Variants in MTUS1 observed in about 807,000 individuals in gnomAD.
The protein encoded by MTUS1 is microtubule-associated tumor suppressor 1.
Under a neutral mutation model 120.8 loss-of-function variants are expected in MTUS1, and 109 were observed. The ratio of observed to expected loss-of-function variants is 0.90; its 90% confidence interval spans 0.77 to 1.06. The LOEUF is 1.06. Among genes scored for constraint, MTUS1 ranks in the 50% least tolerant of loss-of-function variants. The pLI is 0.00. For synonymous variants in MTUS1, 737 were observed against 550.5 expected (o/e 1.34, Z -4.74); for missense variants, 2,210 against 1,486.3 (o/e 1.49, Z -8.01).
chr8:17,782,156 A>AT (rs1214675855), intron 1 of MTUS1, among the ~76,000 whole-genome samples: 2 of 152,070 alleles, frequency 1.3e-5, no homozygotes, highest in African/African-American at 4.8e-5. Flanking sequence ...CAATGATGGG[A>AT]TTTTTTTCCC....
chr8:17,755,867 G>A lies in MTUS1; in HGVS notation c.-60C>T. 1 of 1,543,262 alleles carries A rather than the reference G, an allele frequency of 6.5e-7. No individual in the cohort carries two copies. The highest frequency in any genetic ancestry group is 8.7e-7 in the Non-Finnish European group (1 of 1,150,676). On this transcript the variant is annotated 5_prime_UTR_variant, in exon 2 of 15. Transcript: ENST00000693296. Reference sequence around the variant, plus strand: ...TTCTTCTTCAATTCCTTTTAAATGAGAGGGTGGGCAAAATGGTCTGTCTTC... The same window carrying A: ...TTCTTCTTCAATTCCTTTTAAATGAAAGGGTGGGCAAAATGGTCTGTCTTC...
intron 3 of MTUS1, among the ~76,000 whole-genome samples, chr8:17,729,947 G>C (rs548688880): frequency 4.1e-5 from 6 of 147,670 alleles, no homozygotes; most frequent in Admixed American, 2.7e-4. Context: ...TCACAATCGC[G>C]CGAGATACCA....
chr8:17,647,103 C>T (rs773172304), intron 13 of MTUS1, 24 bp from the exon 14 acceptor site: 2 of 1,560,102 alleles, frequency 1.3e-6, no homozygotes, highest in Middle Eastern at 1.7e-4. Context: ...AGAATTCCAA[C>T]ATTTATACAA....
At chr8:17,745,763 A>G (rs1451866511) in intron 2 of MTUS1, among the ~76,000 whole-genome samples, 1 of 151,958 alleles carries the variant, frequency 6.6e-6, no homozygotes, top group Admixed American at 6.6e-5. Flanking sequence ...TTTTCCTTCT[A>G]CCTGTCCGGT....
chr8:17,753,145 C>T (rs1248234331), intron 2 of MTUS1, among the ~76,000 whole-genome samples: 2 of 152,132 alleles, frequency 1.3e-5, no homozygotes, highest in Non-Finnish European at 2.9e-5. Context: ...TTCACACATC[C>T]ACTAGGTCCA....
chr8:17,691,549 G>A (rs78017630), intron 6 of MTUS1, among the ~76,000 whole-genome samples: 2,577 of 152,338 alleles, frequency 0.017, 75 homozygotes, highest in African/African-American at 0.058. Context: ...TGCTTTCAAG[G>A]AGGCTGAAAG....
chr8:17,799,267 A>C (rs1392734577), intron 1 of MTUS1, among the ~76,000 whole-genome samples: 1 of 152,228 alleles, frequency 6.6e-6, no homozygotes, highest in Non-Finnish European at 1.5e-5. Flanking sequence ...AATAAATGAA[A>C]ACCAGTTTGA....
intron 3 of MTUS1, chr8:17,734,263 C>T (rs1288777197): frequency 1.3e-5 from 2 of 152,178 alleles, no homozygotes; most frequent in African/African-American, 4.8e-5. Context: ...ATTTCAGTAA[C>T]ACTCTAGATT....
In MTUS1 at chr8:17,684,458, AGTGT is replaced by A. The variant is rs762542932; in HGVS notation, c.2704_2707del (p.Thr902LeufsTer3). 12 of 1,614,200 alleles carry A rather than the reference AGTGT, an allele frequency of 7.4e-6. No individual in the cohort carries two copies. The highest frequency in any genetic ancestry group is 1.0e-5 in the Non-Finnish European group (12 of 1,180,018). ...TTTTGTTTTATATTGCGTCAATTCA[AGTGT>A]TTTCTCAGGGGGCAGCGCATCGGGA... is the stretch of plus-strand genomic sequence containing the variant. On this transcript the variant is annotated frameshift_variant, in exon 7 of 15. Coordinates refer to ENST00000693296, the MANE Select transcript of MTUS1 (RefSeq NM_001363059.2). LOFTEE classifies it high-confidence loss of function.
Position 17,695,502 on chromosome 8 carries a change from G to A in MTUS1, c.2624-10960C>T, listed in dbSNP as rs190475279. Among the ~76,000 whole-genome samples, 38 of 152,224 alleles carry A rather than the reference G, an allele frequency of 2.5e-4. 1 individual carries two copies. The highest frequency in any genetic ancestry group is 1.0e-3 in the Admixed American group (16 of 15,284). The stretch of plus-strand genomic sequence containing the variant: ...GCAAATAAACAGAAAATAGTTTTAC[G>A]TAAGTTTAGAAAATAAAATGTGTCC... On this transcript the variant is annotated intron_variant, in intron 6 of 14. Coordinates refer to ENST00000693296, the MANE Select transcript of MTUS1 (RefSeq NM_001363059.2).
At chr8:17,669,337 CAG>C (rs1030011143) in intron 8 of MTUS1, among the ~76,000 whole-genome samples, 1 of 152,178 alleles carries the variant, frequency 6.6e-6, no homozygotes, top group South Asian at 2.1e-4. Flanking sequence ...GCACTCCAGG[CAG>C]AGAGGATACC....
chr8:17,689,371 C>T (rs1373315215), intron 6 of MTUS1, among the ~76,000 whole-genome samples: 1 of 140,432 alleles, frequency 7.1e-6, no homozygotes, highest in African/African-American at 3.2e-5. Flanking sequence ...GGTTCTACTT[C>T]TTTTCTTCAC....
At chr8:17,708,626 T>C (rs182836929) in intron 6 of MTUS1, 5 of 152,350 alleles carry the variant, frequency 3.3e-5, no homozygotes, top group East Asian at 1.9e-4. Context: ...AGCCATTCCA[T>C]AGAATATTAG....
chr8:17,752,731 G>C (rs894613282), intron 2 of MTUS1, among the ~76,000 whole-genome samples: 43 of 152,114 alleles, frequency 2.8e-4, no homozygotes, highest in African/African-American at 9.7e-4. Flanking sequence ...CCAAGGGACA[G>C]GCTGTCTGTG....
chr8:17,758,072 G>A (rs2048758080), intron 1 of MTUS1: 2 of 151,972 alleles, frequency 1.3e-5, no homozygotes, highest in Admixed American at 1.3e-4. Context: ...TCACAGTACT[G>A]TTGTAAAGAA....
rs1445660969 is a variant in MTUS1, at chr8:17,645,098, T to C, written c.*828A>G. 1 of 152,576 alleles carries C rather than the reference T, an allele frequency of 6.6e-6. No homozygotes were observed. The highest frequency in any genetic ancestry group is 1.5e-5 in the Non-Finnish European group (1 of 68,038). The allele number at this position is 152,576 out of a possible 1,614,324, so 9.5% of individuals were successfully genotyped here. On this transcript the variant is annotated 3_prime_UTR_variant, in exon 15 of 15. Coordinates refer to ENST00000693296, the MANE Select transcript of MTUS1 (RefSeq NM_001363059.2). ...TGTTTTTTTATAGAAAAATTAGGGT[T>C]CTACATTTACACATAGCCTGAGAAA...
At position 17,644,656 on chromosome 8, in the gene MTUS1, A is replaced by C. The variant is rs1428511835; in HGVS notation, c.*1270T>G. 4 of 152,244 alleles carry C rather than the reference A, an allele frequency of 2.6e-5. No individual in the cohort carries two copies. Among genetic ancestry groups the C allele is most frequent in the Admixed American group, 6.5e-5 (1 of 15,282 alleles). The allele number at this position is 152,244 out of a possible 1,614,324, so 9.4% of individuals were successfully genotyped here. On this transcript the variant is annotated 3_prime_UTR_variant, in exon 15 of 15. Coordinates refer to ENST00000693296, the MANE Select transcript of MTUS1 (RefSeq NM_001363059.2). ...ACTGAAAAATGAGCGCTATCCTCCC[A>C]GACTGTTTTCTTCTATCAAGTACTG...
chr8:17,791,811 A>C (rs1245441801), intron 1 of MTUS1, among the ~76,000 whole-genome samples: 1 of 152,210 alleles, frequency 6.6e-6, no homozygotes, highest in African/African-American at 2.4e-5. Flanking sequence ...AAGCAGCAGA[A>C]ATTAAATGAA....
intron 7 of MTUS1, among the ~76,000 whole-genome samples, chr8:17,683,890 C>A (rs1056861038): frequency 2.0e-5 from 3 of 151,942 alleles, no homozygotes; most frequent in Admixed American, 6.6e-5. Flanking sequence ...AGAAAGAATC[C>A]CCAGATATGA....
Sources: allele counts gnomAD v4.1 joint callset (sites outside exome capture counted in the v4.1 genomes callset), GRCh38; gene constraint gnomAD v4.1.1; transcripts MANE v1.5; gene names NCBI Gene and HGNC (gene_info 2026-07-23, HGNC 2026-07-21).